Variants in NFIB observed in about 807,000 individuals in gnomAD.
The protein encoded by NFIB is nuclear factor 1 B-type.
Under a neutral mutation model 61.5 loss-of-function variants are expected in NFIB, and 11 were observed. The ratio of observed to expected loss-of-function variants is 0.18; its 90% CI spans 0.11 to 0.30. The LOEUF is 0.30. Ranked by LOEUF, NFIB falls within the 10% of genes least tolerant of loss-of-function variation. The pLI, the probability that NFIB is intolerant of heterozygous loss-of-function variation, is 1.00. For missense variants in NFIB, 471 were observed against 608.9 expected, an observed-to-expected ratio of 0.77 and a Z score of 2.38; for synonymous variants, 260 against 216.5, an observed-to-expected ratio of 1.20 and a Z score of -1.76.
chr9:14,196,788 T>G (rs2048520588), intron 2 of NFIB, among the ~76,000 whole-genome samples: 1 of 152,192 alleles, frequency 6.6e-6, no homozygotes, highest in Non-Finnish European at 1.5e-5. Context: ...GACTACTTAA[T>G]TAAGTGTTTT....
At chr9:14,367,706 A>G (rs1276240174) in intron 1 of NFIB, among the ~76,000 whole-genome samples, 1 of 152,204 alleles carries the variant, frequency 6.6e-6, no homozygotes, top group African/African-American at 2.4e-5. Context: ...GCCATAAAAA[A>G]GAATGAGTTC....
At chr9:14,297,062 T>C (rs1472813973) in intron 2 of NFIB, among the ~76,000 whole-genome samples, 1 of 152,216 alleles carries the variant, frequency 6.6e-6, no homozygotes, top group Non-Finnish European at 1.5e-5. Flanking sequence ...CCAAGTTGGA[T>C]AACACACAAG....
chr9:14,510,427 A>G, the NFIB span, among the ~76,000 whole-genome samples: 1,773 of 152,320 alleles, frequency 0.012, 44 homozygotes, highest in African/African-American at 0.041. Context: ...TCTTGGCTAA[A>G]GCATGTGTTT....
At chr9:14,426,852 C>G in the NFIB span, among the ~76,000 whole-genome samples, 1 of 152,178 alleles carries the variant, frequency 6.6e-6, no homozygotes, top group Non-Finnish European at 1.5e-5. Flanking sequence ...GCAAAGCTCT[C>G]AAGTTGTAAA....
intron 10 of NFIB, among the ~76,000 whole-genome samples, chr9:14,099,725 G>A (rs1291999092): frequency 6.6e-6 from 1 of 152,186 alleles, no homozygotes; most frequent in African/African-American, 2.4e-5. Flanking sequence ...GAAATGTGAT[G>A]GCTGCCATTA....
At chr9:14,106,406 A>C (rs1235954543) in intron 10 of NFIB, among the ~76,000 whole-genome samples, 1 of 152,116 alleles carries the variant, frequency 6.6e-6, no homozygotes, top group Non-Finnish European at 1.5e-5. Flanking sequence ...AGAAAGTAAG[A>C]TTATCTTCCA....
At chr9:14,531,092 A>G in the NFIB span, among the ~76,000 whole-genome samples, 207 of 152,248 alleles carry the variant, frequency 1.4e-3, no homozygotes, top group African/African-American at 4.9e-3. Flanking sequence ...TTTATCATGT[A>G]GCACTTTTTG....
intron 8 of NFIB, among the ~76,000 whole-genome samples, chr9:14,119,747 T>C (rs1417273940): frequency 6.6e-6 from 1 of 152,204 alleles, no homozygotes; most frequent in Non-Finnish European, 1.5e-5. Flanking sequence ...ACAAAGACTG[T>C]CTACTTGATT....
chr9:14,181,385 G>C (rs1010958963), intron 2 of NFIB, among the ~76,000 whole-genome samples: 1 of 152,052 alleles, frequency 6.6e-6, no homozygotes, highest in South Asian at 2.1e-4. Context: ...CATCTGGCTC[G>C]AGTCTCCTGA....
the NFIB span, among the ~76,000 whole-genome samples, chr9:14,469,528 T>C: frequency 6.6e-6 from 1 of 152,198 alleles, no homozygotes; most frequent in Non-Finnish European, 1.5e-5. Flanking sequence ...TAACGTAATC[T>C]TGTGTATTTT....
intron 6 of NFIB, among the ~76,000 whole-genome samples, chr9:14,127,948 AAC>A (rs1491031321): frequency 1.3e-5 from 2 of 151,292 alleles, no homozygotes; most frequent in African/African-American, 4.9e-5. Flanking sequence ...AAAAAAAAAA[AAC>A]CAGAAATAAA....
chr9:14,294,141 AAAGGGATT>A (rs1288942243), intron 2 of NFIB, among the ~76,000 whole-genome samples: 2 of 152,222 alleles, frequency 1.3e-5, no homozygotes, highest in Non-Finnish European at 2.9e-5. Flanking sequence ...AAATGTTCCA[AAAGGGATT>A]AATGTAGTAT....
chr9:14,316,858 A>T (rs571609367), upstream of NFIB, among the ~76,000 whole-genome samples: 1 of 152,314 alleles, frequency 6.6e-6, no homozygotes, highest in East Asian at 1.9e-4. Context: ...ATTTAACTGG[A>T]GTTAATTTAC....
the NFIB span, among the ~76,000 whole-genome samples, chr9:14,507,710 G>GT: frequency 6.6e-6 from 1 of 152,148 alleles, no homozygotes; most frequent in Non-Finnish European, 1.5e-5. Context: ...AGAGTGTTAG[G>GT]TTTTTTGAGG....
intron 2 of NFIB, among the ~76,000 whole-genome samples, chr9:14,181,062 G>T (rs1221574618): frequency 4.6e-5 from 7 of 152,072 alleles, no homozygotes; most frequent in Non-Finnish European, 8.8e-5. Context: ...GGGTTATTCT[G>T]TCCTTCCAGG....
intron 2 of NFIB, among the ~76,000 whole-genome samples, chr9:14,195,970 T>G (rs1044446413): frequency 6.6e-6 from 1 of 152,110 alleles, no homozygotes; most frequent in African/African-American, 2.4e-5. Flanking sequence ...ATCCAGCAAT[T>G]ATTAAAAATA....
chr9:14,283,077 G>C (rs913437875), intron 2 of NFIB, among the ~76,000 whole-genome samples: 2 of 152,114 alleles, frequency 1.3e-5, no homozygotes, highest in Non-Finnish European at 2.9e-5. Context: ...AGTTTGGCAA[G>C]GTTAAAGGAT....
chr9:14,164,447 A>G (rs925416390), intron 3 of NFIB, among the ~76,000 whole-genome samples: 4 of 152,150 alleles, frequency 2.6e-5, no homozygotes, highest in Non-Finnish European at 4.4e-5. Flanking sequence ...TTTTAAGACA[A>G]TGGTATGTGT....
At chr9:14,515,948 T>A in the NFIB span, among the ~76,000 whole-genome samples, 2 of 152,360 alleles carry the variant, frequency 1.3e-5, no homozygotes, top group Middle Eastern at 3.4e-3. Context: ...ATTCAAAGGC[T>A]GTGACTGCTA....
Sources: allele counts gnomAD v4.1 joint callset (sites outside exome capture counted in the v4.1 genomes callset), GRCh38; gene constraint gnomAD v4.1.1; transcripts MANE v1.5; gene names NCBI Gene and HGNC (gene_info 2026-07-23, HGNC 2026-07-21).